The following ANO4 variants were observed in gnomAD, a reference collection of about 807,000 sequenced individuals.
ANO4 encodes anoctamin 4, also known as anoctamin-4.
Under a neutral mutation model 141.9 loss-of-function variants are expected in ANO4, and 69 were observed. The observed-to-expected ratio is 0.49, with a 90% CI of 0.40 to 0.59. The LOEUF (loss-of-function observed/expected upper bound fraction) is 0.59, where lower values mean the gene tolerates loss of function less well. Among genes scored for constraint, ANO4 ranks in the 20% least tolerant of loss-of-function variants. ANO4 has a pLI of 0.00. For synonymous variants in ANO4, 350 were observed against 394.3 expected, an observed-to-expected ratio of 0.89 and a Z score of 1.33; for missense variants, 894 against 1,162.2, an observed-to-expected ratio of 0.77 and a Z score of 3.36.
chr12:100,829,586 GTAAGT>G (rs909522091), intron 1 of ANO4, among the ~76,000 whole-genome samples: 2 of 152,032 alleles, frequency 1.3e-5, no homozygotes, highest in Admixed American at 1.3e-4. Context: ...TTTTTAAAGT[GTAAGT>G]TAAAGTTAAT....
At chr12:100,851,393 G>A (rs2037864195) in intron 1 of ANO4, among the ~76,000 whole-genome samples, 1 of 152,048 alleles carries the variant, frequency 6.6e-6, no homozygotes, top group African/African-American at 2.4e-5. Context: ...GAGACTTGCT[G>A]CTTTTTCCCA....
At chr12:100,833,048 T>G (rs918647836) in intron 1 of ANO4, among the ~76,000 whole-genome samples, 5 of 152,122 alleles carry the variant, frequency 3.3e-5, no homozygotes, top group African/African-American at 1.2e-4. Flanking sequence ...TAAAATGCTC[T>G]GTAGCTTATT....
At chr12:100,836,912 AG>A (rs755156559) in intron 1 of ANO4, among the ~76,000 whole-genome samples, 10 of 152,150 alleles carry the variant, frequency 6.6e-5, no homozygotes, top group Non-Finnish European at 1.3e-4. Flanking sequence ...GAATACAGTA[AG>A]AGTCTTAACT....
chr12:100,809,524 A>G (rs1437104994), intron 1 of ANO4, among the ~76,000 whole-genome samples: 4 of 152,218 alleles, frequency 2.6e-5, no homozygotes, highest in Non-Finnish European at 4.4e-5. Context: ...AACTGAGACC[A>G]TTCGGATGAG....
intron 5 of ANO4, among the ~76,000 whole-genome samples, chr12:100,958,732 G>C (rs111225965): frequency 0.022 from 3,352 of 152,078 alleles, 106 homozygotes; most frequent in African/African-American, 0.074. Context: ...CCTGTAGTCC[G>C]AGCTACTTGG....
chr12:100,828,446 C>A (rs2036474575), intron 1 of ANO4, among the ~76,000 whole-genome samples: 2 of 151,972 alleles, frequency 1.3e-5, no homozygotes, highest in South Asian at 4.1e-4. Context: ...GCGTAAAAGT[C>A]TTTTCAGTGA....
intron 1 of ANO4, among the ~76,000 whole-genome samples, chr12:100,809,034 A>G (rs115881159): frequency 0.015 from 2,301 of 152,302 alleles, 64 homozygotes; most frequent in African/African-American, 0.053. Flanking sequence ...GAAGACTAAT[A>G]AGACATGATC....
Position 100,931,250 on chromosome 12 carries a change from TC to T in ANO4, c.161-8063del, listed in dbSNP as rs797018115. Among the ~76,000 whole-genome samples the T allele has an allele frequency of 9.1e-4, 139 of 152,274 alleles. 2 individuals are homozygous for T. The highest frequency in any genetic ancestry group is 3.2e-3 in the African/African-American group (135 of 41,566). ...CAAAGCTGTATTGTGTCTTTGTATTTCCGTGAATTTTTAAGACAATAATGGA... is the reference window on the plus strand; with the variant it reads ...CAAAGCTGTATTGTGTCTTTGTATTTCGTGAATTTTTAAGACAATAATGGA... On this transcript the variant is annotated intron_variant, in intron 3 of 27. Transcript: ENST00000392977.
intron 2 of ANO4, among the ~76,000 whole-genome samples, chr12:100,912,392 CAAAAAAAAAAAAAAAAAGAAAAAAGAA>C (rs1304858675): frequency 1.5e-5 from 1 of 67,360 alleles, no homozygotes; most frequent in Non-Finnish European, 2.9e-5. Flanking sequence ...AGGACTCTGT[CAAAAAAAAAAAAAAAAAGAAAAAAGAA>C]AAAAAAAAAA....
intron 1 of ANO4, among the ~76,000 whole-genome samples, chr12:100,846,945 ACC>A (rs11363490): frequency 0.42 from 63,749 of 151,150 alleles, 13,649 homozygotes; most frequent in Admixed American, 0.49. Flanking sequence ...TTCCTTCCAC[ACC>A]CCCCCCCAAC....
At chr12:100,858,837 T>C (rs2038321317) in intron 1 of ANO4, among the ~76,000 whole-genome samples, 1 of 152,106 alleles carries the variant, frequency 6.6e-6, no homozygotes, top group South Asian at 2.1e-4. Flanking sequence ...AGTTCCCTCA[T>C]TTTCTAATTA....
intron 5 of ANO4, among the ~76,000 whole-genome samples, chr12:100,947,394 G>T (rs1231176165): frequency 6.6e-6 from 1 of 152,080 alleles, no homozygotes; most frequent in African/African-American, 2.4e-5. Context: ...CAGTGCTAAG[G>T]GTGTCCTGTC....
At chr12:100,941,873 A>G (rs575024564) in intron 4 of ANO4, among the ~76,000 whole-genome samples, 1 of 151,570 alleles carries the variant, frequency 6.6e-6, no homozygotes, top group Non-Finnish European at 1.5e-5. Flanking sequence ...TGCGCACTTA[A>G]CTCAATGCTT....
intron 3 of ANO4, among the ~76,000 whole-genome samples, chr12:100,767,506 A>G (rs2033137642): frequency 6.6e-6 from 1 of 152,220 alleles, no homozygotes. Flanking sequence ...GAACACAAGC[A>G]CTGTGATACC....
intron 8 of ANO4, among the ~76,000 whole-genome samples, chr12:100,990,299 C>T (rs906600714): frequency 2.0e-5 from 3 of 152,136 alleles, no homozygotes; most frequent in African/African-American, 7.2e-5. Flanking sequence ...CCCACCTCCT[C>T]TTTTCATGCT....
intron 14 of ANO4, chr12:101,066,947 T>C: frequency 1.3e-6 from 1 of 762,566 alleles, no homozygotes; most frequent in Non-Finnish European, 2.4e-6. Flanking sequence ...ACATGAGGAC[T>C]TTGTGTGACT....
intron 10 of ANO4, 52 bp downstream of exon 10, chr12:101,037,202 G>A (rs2136595613): frequency 6.4e-7 from 1 of 1,571,592 alleles, no homozygotes; most frequent in Non-Finnish European, 8.7e-7. Context: ...TGTTACTAAA[G>A]TCAGCTTCTA....
chr12:100,781,435 T>G (rs75200182), intron 3 of ANO4, among the ~76,000 whole-genome samples: 1,898 of 152,284 alleles, frequency 0.012, 25 homozygotes, highest in African/African-American at 0.043. Flanking sequence ...TTACATGCTG[T>G]ATCAGTGAGG....
At chr12:100,909,910 A>G (rs778222274) in intron 2 of ANO4, among the ~76,000 whole-genome samples, 2 of 152,192 alleles carry the variant, frequency 1.3e-5, no homozygotes, top group East Asian at 3.9e-4. Flanking sequence ...ATTAAATACA[A>G]TGTTCCCAAT....
Sources: allele counts gnomAD v4.1 joint callset (sites outside exome capture counted in the v4.1 genomes callset), GRCh38; gene constraint gnomAD v4.1.1; transcripts MANE v1.5; gene names NCBI Gene and HGNC (gene_info 2026-07-23, HGNC 2026-07-21).